TPGS1: variants seen among roughly 807,000 people sequenced by gnomAD.
TPGS1 encodes the protein gene trap ROSA b-geo 22.
Under a neutral mutation model 11.9 loss-of-function variants are expected in TPGS1, and 18 were observed. The observed-to-expected ratio is 1.51, with a 90% CI of 1.04 to 2.24. TPGS1 has a LOEUF of 2.24. Among genes scored for constraint, TPGS1 ranks in the 30% most tolerant of loss-of-function variants. The probability of loss-of-function intolerance (pLI) is 0.00; values close to 1 mark genes in which losing one functional copy is unlikely to be tolerated. For missense variants in TPGS1, 500 were observed against 443.0 expected (o/e 1.13, Z -1.16); for synonymous variants, 247 against 218.2 (o/e 1.13, Z -1.16).
intron 1 of TPGS1, among the ~76,000 whole-genome samples, chr19:515,949 G>A (rs916957468): frequency 1.3e-5 from 2 of 149,716 alleles, no homozygotes; most frequent in Admixed American, 6.7e-5. Flanking sequence ...GGAGAATGGC[G>A]TGAACCCGGG....
Position 507,508 on chromosome 19 carries a change from T to TGGCGGCAGTGGAGAAGC in TPGS1, c.10_26dup (p.Ala10_?9), listed in dbSNP as rs2145829195. ...CCGGTCCCGCTGCCCTCAGCGAAGA[T>TGGCGGCAGTGGAGAAGC]GGCGGCAGTGGAGAAGCGGCGGCAA... On this transcript the variant is annotated frameshift_variant and start_lost, in exon 1 of 2. Transcript: ENST00000359315. LOFTEE classifies it high-confidence loss of function. 2.8e-6 allele frequency: 4 copies of TGGCGGCAGTGGAGAAGC among 1,411,518 alleles called. No homozygotes were observed. The East Asian group carries it at 8.5e-5, about 30-fold the overall frequency. 87.4% of individuals were successfully genotyped at this position (1,411,518 alleles called of 1,614,324 possible).
rs1022000540 is a variant in TPGS1 at position 518,916 on chromosome 19, G to T, written c.366G>T (p.Val122=). ...QRAAFNNNVS[V]AYECLSAGGR... is the part of the protein sequence containing the mutation. ...CCGCCTTCAACAACAACGTGAGCGT[G>T]GCCTACGAGTGCCTGAGCGCCGGCG... Residue 122 remains valine, a synonymous_variant, in exon 2 of 2, where the codon GTG becomes GTT. Transcript: ENST00000359315. 19 of 1,565,184 alleles carry T rather than the reference G, an allele frequency of 1.2e-5. No individual in the cohort carries two copies. Among genetic ancestry groups the T allele is most frequent in the Non-Finnish European group, 1.5e-5 (17 of 1,163,134 alleles).
intron 1 of TPGS1, chr19:508,956 C>T (rs1300936843): frequency 6.6e-6 from 1 of 152,426 alleles, no homozygotes; most frequent in East Asian, 1.9e-4. Flanking sequence ...GGGGAGCGGG[C>T]AAGGGCAGGC....
intron 1 of TPGS1, among the ~76,000 whole-genome samples, chr19:517,952 G>A (rs1268011296): frequency 8.5e-6 from 1 of 117,556 alleles, no homozygotes; most frequent in Non-Finnish European, 1.8e-5. Flanking sequence ...GTTGGGAGGA[G>A]GCCCAGGCTG....
rs1978657737 is a variant in TPGS1 at position 507,601 on chromosome 19, C to T, written c.95C>T (p.Ala32Val). 1.4e-6 allele frequency: 2 copies of T among 1,400,422 alleles called. No individual in the cohort carries two copies. Among genetic ancestry groups the T allele is most frequent in the Admixed American group, 3.2e-5 (1 of 31,200 alleles). 86.7% of individuals were successfully genotyped at this position (1,400,422 alleles called of 1,614,324 possible). The stretch of plus-strand genomic sequence containing the variant: ...TCGGTATCCCGGGCGGCGGGGGCGG[C>T]CGAGAGCGAGGAGGACTTCCTGCGG... ...RQSVSRAAGA[A>V]ESEEDFLRQV... is the part of the protein sequence containing the mutation. Residue 32 changes from alanine (A) to valine (V), a missense_variant, in exon 1 of 2, where the codon GCC (alanine) becomes GTC (valine). By Grantham distance (64) the Ala-to-Val change is moderately conservative. Transcript: ENST00000359315.
chr19:507,541 C>A lies in TPGS1; in HGVS notation c.35C>A (p.Pro12Gln). 3 of 1,418,850 alleles carry A rather than the reference C, an allele frequency of 2.1e-6. 1 individual carries two copies. Among genetic ancestry groups the A allele is most frequent in the Non-Finnish European group, 2.8e-6 (3 of 1,082,522 alleles). The allele number at this position is 1,418,850 out of a possible 1,614,324, so 87.9% of individuals were successfully genotyped here. A position where few individuals can be genotyped will look rare whatever the true frequency, so the allele number is the denominator to read the frequency against. Residue 12 changes from proline to glutamine, a missense_variant, in exon 1 of 2, where the codon CCA becomes CAA. Pro to Gln is a moderately conservative substitution (Grantham distance 76). Coordinates refer to ENST00000359315, the MANE Select transcript of TPGS1 (RefSeq NM_033513.3). ...GTGGAGAAGCGGCGGCAAGCGGTAC[C>A]ACCGCCGGCCGGTTTCACGGACAGC... ...AAVEKRRQAV[P>Q]PPAGFTDSGR...
At chr19:513,345 G>A (rs889015177) in intron 1 of TPGS1, among the ~76,000 whole-genome samples, 2 of 152,190 alleles carry the variant, frequency 1.3e-5, no homozygotes, top group African/African-American at 4.8e-5. Flanking sequence ...GAGGGAAAAG[G>A]AGCGTACAGC....
chr19:515,834 C>T (rs964381797), intron 1 of TPGS1, among the ~76,000 whole-genome samples: 2 of 152,158 alleles, frequency 1.3e-5, no homozygotes, highest in African/African-American at 4.8e-5. Flanking sequence ...AGATCGAGAC[C>T]ATCCCGGCTA....
At chr19:516,241 G>A (rs2145834430) in intron 1 of TPGS1, among the ~76,000 whole-genome samples, 1 of 152,260 alleles carries the variant, frequency 6.6e-6, no homozygotes, top group East Asian at 1.9e-4. Flanking sequence ...GGCTCAGCTG[G>A]ACATACATCC....
In TPGS1 at chr19:518,995, C is replaced by G. The variant is rs756398150; in HGVS notation, c.445C>G (p.Arg149Gly). 14 of 1,577,496 alleles carry G rather than the reference C, an allele frequency of 8.9e-6. No homozygotes were observed. Among genetic ancestry groups the G allele is most frequent in the African/African-American group, 1.3e-5 (1 of 74,116 alleles). ...GCGCACCTACAGCGAGCTGCTCAGG[C>G]GCATCTGCCGGGACGGCCAAGCCCC... The part of the protein sequence containing the change: ...DGRTYSELLR[R>G]ICRDGQAPEE... The change falls in exon 2 of 2, where the codon CGC becomes GGC. Residue 149 changes from arginine to glycine, a missense_variant. By Grantham distance (125) the Arg-to-Gly change is moderately radical. Transcript: ENST00000359315.
intron 1 of TPGS1, among the ~76,000 whole-genome samples, chr19:514,984 C>T (rs746214775): frequency 6.6e-6 from 1 of 152,182 alleles, no homozygotes; most frequent in Non-Finnish European, 1.5e-5. Context: ...GGCAGGGAAT[C>T]GAACCCACCC....
intron 1 of TPGS1, among the ~76,000 whole-genome samples, chr19:511,264 C>T (rs1270824483): frequency 6.6e-6 from 1 of 152,192 alleles, no homozygotes; most frequent in Non-Finnish European, 1.5e-5. Context: ...CTCCCTCACC[C>T]GATGATTCTG....
At position 519,523 on chromosome 19, in the gene TPGS1, A is replaced by G. The variant is rs1979085838; in HGVS notation, c.*100A>G. ...GCCCTGGTGAGGCCCTGCCATAACCAGGCGCCCAGCCCTGCGGAGGAGGCC... is the reference window on the plus strand; with the variant it reads ...GCCCTGGTGAGGCCCTGCCATAACCGGGCGCCCAGCCCTGCGGAGGAGGCC... On this transcript the variant is annotated 3_prime_UTR_variant, in exon 2 of 2. Transcript: ENST00000359315. The G allele has an allele frequency of 9.2e-7, 1 of 1,083,196 alleles. No homozygotes were observed. The highest frequency in any genetic ancestry group is 1.1e-6 in the Non-Finnish European group (1 of 874,176). The allele number at this position is 1,083,196 out of a possible 1,614,324, so 67.1% of individuals were successfully genotyped here.
chr19:508,631 G>C (rs1978698364), intron 1 of TPGS1: 1 of 152,492 alleles, frequency 6.6e-6, no homozygotes, highest in African/African-American at 2.4e-5. Flanking sequence ...TTTTACAAGG[G>C]GGTGCGCCCA....
Position 519,261 on chromosome 19 carries a change from C to T in TPGS1, c.711C>T (p.Pro237=). ...GALQASDAAA[P]ARFLEAGSRL... ...TGCAGGCCAGCGACGCCGCCGCGCC[C>T]GCGCGCTTCCTGGAGGCCGGCTCGC... Residue 237 remains proline (P), a synonymous_variant, in exon 2 of 2, where the codon CCC becomes CCT. Transcript: ENST00000359315. 3 of 1,202,778 alleles carry T rather than the reference C, an allele frequency of 2.5e-6. No homozygotes were observed. The highest frequency in any genetic ancestry group is 3.1e-6 in the Non-Finnish European group (3 of 970,882). 74.5% of individuals were successfully genotyped at this position (1,202,778 alleles called of 1,614,324 possible).
chr19:519,031 G>A lies in TPGS1; in HGVS notation c.481G>A (p.Val161Met). Residue 161 changes from valine (V) to methionine (M), a missense_variant, in exon 2 of 2, where the codon GTG becomes ATG. Transcript: ENST00000359315. ...GGACGGCCAAGCCCCCGAGGAGGTGGTGGCGCCGCTGCTGCGCAAGGTGCA... is the reference window on the plus strand; with the variant it reads ...GGACGGCCAAGCCCCCGAGGAGGTGATGGCGCCGCTGCTGCGCAAGGTGCA... Reference protein sequence around the residue: ...CRDGQAPEEVVAPLLRKVQCR... With the variant: ...CRDGQAPEEVMAPLLRKVQCR... 1.9e-6 allele frequency: 3 copies of A among 1,556,640 alleles called. No individual in the cohort carries two copies. The highest frequency in any genetic ancestry group is 2.3e-5 in the South Asian group (2 of 85,944).
chr19:518,699 G>A (rs930656409), intron 1 of TPGS1, among the ~76,000 whole-genome samples, 190 bp from the exon 2 acceptor site: 29 of 142,904 alleles, frequency 2.0e-4, no homozygotes, highest in Non-Finnish European at 3.5e-4. Context: ...GGAGGCGGGG[G>A]CTCAAGAGAG....
rs772694166 is a variant in TPGS1 at position 519,192 on chromosome 19, C to T, written c.642C>T (p.Asp214=). The change falls in exon 2 of 2, where the codon GAC becomes GAT. Residue 214 remains aspartate (D), a synonymous_variant. Coordinates refer to ENST00000359315, the MANE Select transcript of TPGS1 (RefSeq NM_033513.3). ...AGGACTCGGCCGCCGCCGTGGCCGA[C>T]CGCCGCGTGGGCCAGGCCGTGCTGG... ...LLEDSAAAVA[D]RRVGQAVLDT... is the part of the protein sequence containing the mutation. 2.7e-6 allele frequency: 4 copies of T among 1,484,276 alleles called. No individual in the cohort carries two copies. In the South Asian group the frequency reaches 5.2e-5, roughly 19 times the overall value. The allele number at this position is 1,484,276 out of a possible 1,614,324, so 91.9% of individuals were successfully genotyped here. A position where few individuals can be genotyped will look rare whatever the true frequency, so the allele number is the denominator to read the frequency against.
chr19:507,526 G>A lies in TPGS1; in HGVS notation c.20G>A (p.Arg7Gln), dbSNP rs1978652022. The A allele has an allele frequency of 1.4e-6, 2 of 1,418,254 alleles. No individual in the cohort carries two copies. Among genetic ancestry groups the A allele is most frequent in the East Asian group, 2.8e-5 (1 of 35,282 alleles). The allele number at this position is 1,418,254 out of a possible 1,614,324, so 87.9% of individuals were successfully genotyped here. MAAVEKRRQAVPPPAGF... is the reference protein window; with the variant it reads MAAVEKQRQAVPPPAGF... ...GCGAAGATGGCGGCAGTGGAGAAGC[G>A]GCGGCAAGCGGTACCACCGCCGGCC... The change falls in exon 1 of 2, where the codon CGG becomes CAG. Residue 7 changes from arginine (R) to glutamine (Q), a missense_variant. Physicochemically the swap from Arg to Gln is conservative, Grantham distance 43. Coordinates refer to ENST00000359315, the MANE Select transcript of TPGS1 (RefSeq NM_033513.3).
Sources: allele counts gnomAD v4.1 joint callset (sites outside exome capture counted in the v4.1 genomes callset), GRCh38; gene constraint gnomAD v4.1.1; transcripts MANE v1.5; gene names NCBI Gene and HGNC (gene_info 2026-07-23, HGNC 2026-07-21).